Variants in EPHB1 observed in about 807,000 individuals in gnomAD.
The protein encoded by EPHB1 is EPH receptor B1.
EPHB1 carries 30 observed loss-of-function variants against 94.4 expected under a neutral mutation model. The ratio of observed to expected loss-of-function variants is 0.32; its 90% CI spans 0.24 to 0.43. The LOEUF is 0.43. EPHB1 is among the 20% of genes least tolerant of loss of function. The pLI is 1.00. For missense variants in EPHB1, 1,055 were observed against 1,308.3 expected (o/e 0.81, Z 2.99); for synonymous variants, 522 against 489.1 (o/e 1.07, Z -0.89).
At chr3:134,823,297 C>T (rs904139409) in intron 1 of EPHB1, among the ~76,000 whole-genome samples, 1 of 152,194 alleles carries the variant, frequency 6.6e-6, no homozygotes, top group Non-Finnish European at 1.5e-5. Flanking sequence ...GAGCAGTGGA[C>T]AGTGAAGACA....
intron 4 of EPHB1, among the ~76,000 whole-genome samples, chr3:135,114,761 A>ATAAAT (rs1171015290): frequency 6.0e-5 from 9 of 150,982 alleles, no homozygotes; most frequent in Admixed American, 1.3e-4. Context: ...AAATAAATAA[A>ATAAAT]TAAATAAAAC....
intron 1 of EPHB1, among the ~76,000 whole-genome samples, chr3:134,908,841 A>T (rs1230454493): frequency 1.3e-5 from 2 of 152,128 alleles, no homozygotes; most frequent in Non-Finnish European, 2.9e-5. Context: ...CAGGTCCTGC[A>T]CATGGATTCT....
chr3:135,140,294 T>G (rs913705811), intron 5 of EPHB1, among the ~76,000 whole-genome samples: 2 of 152,160 alleles, frequency 1.3e-5, no homozygotes, highest in Admixed American at 1.3e-4. Flanking sequence ...CCATCCTCCA[T>G]GCTCCTGTGG....
chr3:135,102,766 G>A (rs1335090570), intron 3 of EPHB1, among the ~76,000 whole-genome samples: 1 of 152,188 alleles, frequency 6.6e-6, no homozygotes. Flanking sequence ...AAGAAAAGTG[G>A]CACATATACA....
At chr3:135,018,155 A>G (rs552475607) in intron 3 of EPHB1, among the ~76,000 whole-genome samples, 1 of 152,284 alleles carries the variant, frequency 6.6e-6, no homozygotes, top group South Asian at 2.1e-4. Flanking sequence ...TGAAGCCCCC[A>G]AAATGCAGGG....
chr3:135,235,608 C>T (rs1284682180), intron 12 of EPHB1, among the ~76,000 whole-genome samples: 1 of 152,152 alleles, frequency 6.6e-6, no homozygotes, highest in African/African-American at 2.4e-5. Context: ...TAAAAACAAG[C>T]AAACAAATAA....
rs188777405 is a variant in EPHB1, at chr3:135,018,396, T to C, written c.805+66344T>C. Among the ~76,000 whole-genome samples, 4 of 152,280 alleles carry C rather than the reference T, an allele frequency of 2.6e-5. No homozygotes were observed. The East Asian group carries it at 5.8e-4, about 22-fold the overall frequency. The stretch of plus-strand genomic sequence containing the variant: ...CCTCCCACCTCCAGGAATTTGCTGA[T>C]GCTGTCACTTCATTCTGTAATGGCC... On this transcript the variant is annotated intron_variant, in intron 3 of 15. Transcript: ENST00000398015.
At chr3:134,874,561 C>G (rs1578159747) in intron 1 of EPHB1, among the ~76,000 whole-genome samples, 1 of 152,202 alleles carries the variant, frequency 6.6e-6, no homozygotes, top group Non-Finnish European at 1.5e-5. Flanking sequence ...ATTCTAAAAA[C>G]ATTACCCACT....
In EPHB1 at chr3:134,909,242, G is replaced by T. The variant is rs539678550; in HGVS notation, c.59-16574G>T. ...TGGAGAAAGGGGAGTAGTTGATTCTGTGGGGGGCCTTTCAGGAACACAACA... is the reference window on the plus strand; with the variant it reads ...TGGAGAAAGGGGAGTAGTTGATTCTTTGGGGGGCCTTTCAGGAACACAACA... On this transcript the variant is annotated intron_variant, in intron 1 of 15. Coordinates refer to ENST00000398015, the MANE Select transcript of EPHB1 (RefSeq NM_004441.5). Among the ~76,000 whole-genome samples the T allele has an allele frequency of 2.0e-4, 31 of 152,306 alleles. No homozygotes were observed. In the South Asian group the frequency reaches 5.6e-3, roughly 28 times the overall value.
At chr3:135,251,980 C>T (rs895105633) in intron 15 of EPHB1, among the ~76,000 whole-genome samples, 6 of 152,134 alleles carry the variant, frequency 3.9e-5, no homozygotes, top group African/African-American at 1.4e-4. Flanking sequence ...ACCTTGAGCA[C>T]ATTACTTAAT....
chr3:135,063,873 T>G (rs1937547492), intron 3 of EPHB1, among the ~76,000 whole-genome samples: 1 of 152,222 alleles, frequency 6.6e-6, no homozygotes, highest in African/African-American at 2.4e-5. Flanking sequence ...GTCCCTTGTA[T>G]GCTGATTTTG....
rs142340103 is a variant in EPHB1 at position 135,019,579 on chromosome 3, A to G, written c.805+67527A>G. ...AATCACCCAGAATGACACCATCTGA[A>G]TAATTTCTACCAGCCCTTTGATATA... On this transcript the variant is annotated intron_variant, in intron 3 of 15. Transcript: ENST00000398015. Among the ~76,000 whole-genome samples, 812 of 152,352 alleles carry G rather than the reference A, an allele frequency of 5.3e-3. 10 individuals carry two copies. Among genetic ancestry groups the G allele is most frequent in the African/African-American group, 0.019 (773 of 41,580 alleles).
At chr3:135,062,087 C>T (rs1034689279) in intron 3 of EPHB1, among the ~76,000 whole-genome samples, 5 of 152,150 alleles carry the variant, frequency 3.3e-5, no homozygotes, top group African/African-American at 1.2e-4. Flanking sequence ...TCTTTGTCCA[C>T]TCGTTGATGG....
chr3:135,183,182 T>C (rs980771182), intron 10 of EPHB1, among the ~76,000 whole-genome samples: 2 of 150,582 alleles, frequency 1.3e-5, no homozygotes, highest in Non-Finnish European at 3.0e-5. Flanking sequence ...GCCCCTTCTT[T>C]CCTTCCTCCC....
chr3:135,171,415 TTTGA>T (rs1452910812), intron 9 of EPHB1, among the ~76,000 whole-genome samples: 1 of 152,180 alleles, frequency 6.6e-6, no homozygotes, highest in African/African-American at 2.4e-5. Flanking sequence ...CTCTTGTTTG[TTTGA>T]TTGTTTTTTA....
chr3:135,030,638 A>T (rs997539974), intron 3 of EPHB1, among the ~76,000 whole-genome samples: 1 of 152,224 alleles, frequency 6.6e-6, no homozygotes, highest in Non-Finnish European at 1.5e-5. Context: ...GCTGTCAGAC[A>T]GGGACATTTA....
intron 3 of EPHB1, among the ~76,000 whole-genome samples, chr3:135,053,451 AT>A (rs1937254213): frequency 6.6e-6 from 1 of 152,170 alleles, no homozygotes; most frequent in Non-Finnish European, 1.5e-5. Context: ...TTAAGGTGAG[AT>A]TTTTAATGTG....
At chr3:135,073,660 T>C (rs1323420388) in intron 3 of EPHB1, among the ~76,000 whole-genome samples, 1 of 152,160 alleles carries the variant, frequency 6.6e-6, no homozygotes, top group Non-Finnish European at 1.5e-5. Context: ...AATGTCTCTG[T>C]CTTTCTCTCT....
At chr3:135,199,341 G>A (rs556652333) in intron 11 of EPHB1, among the ~76,000 whole-genome samples, 60 of 152,276 alleles carry the variant, frequency 3.9e-4, no homozygotes, top group African/African-American at 1.3e-3. Flanking sequence ...AAAATGCTTC[G>A]TGCTAGCAAC....
Sources: allele counts gnomAD v4.1 joint callset (sites outside exome capture counted in the v4.1 genomes callset), GRCh38; gene constraint gnomAD v4.1.1; transcripts MANE v1.5; gene names NCBI Gene and HGNC (gene_info 2026-07-23, HGNC 2026-07-21).